The following ZNF214 variants were observed in gnomAD, a reference collection of about 807,000 sequenced individuals.
ZNF214 encodes zinc finger protein 214, also known as BWSCR2-associated zinc finger protein 1.
In ZNF214, 43 loss-of-function variants were observed where a neutral mutation model predicts 53.9. The ratio of observed to expected loss-of-function variants is 0.80; its 90% CI spans 0.63 to 1.03. The LOEUF is 1.03. Ranked by LOEUF, ZNF214 falls within the 50% of genes least tolerant of loss-of-function variation. The pLI is 0.00. For synonymous variants in ZNF214, 217 were observed against 229.5 expected, an observed-to-expected ratio of 0.95 and a Z score of 0.49; for missense variants, 724 against 719.1, an observed-to-expected ratio of 1.01 and a Z score of -0.08.
chr11:7,005,828 T>C (rs945812071), intron 1 of ZNF214, among the ~76,000 whole-genome samples: 4 of 152,092 alleles, frequency 2.6e-5, no homozygotes, highest in Admixed American at 6.6e-5. Context: ...TGCATACATA[T>C]GCTATAATTC....
Position 7,000,668 on chromosome 11 carries a change from G to A in ZNF214, c.1015C>T (p.Leu339Phe), listed in dbSNP as rs766402897. The change falls in exon 3 of 3, where the codon CTC becomes TTC. Residue 339 changes from leucine (L) to phenylalanine (F), a missense_variant. Coordinates refer to ENST00000278314, the MANE Select transcript of ZNF214 (RefSeq NM_013249.4). ...KFYKIECDKDLSRNSLLHIHQ... is the reference protein window; with the variant it reads ...KFYKIECDKDFSRNSLLHIHQ... ...ATGTGAAGTAATGAATTTCTACTGA[G>A]GTCTTTATCACACTCAATTTTATAG... The A allele has an allele frequency of 6.3e-7, 1 of 1,599,944 alleles. No individual in the cohort carries two copies. The highest frequency in any genetic ancestry group is 1.7e-5 in the Admixed American group (1 of 57,418).
At chr11:7,015,877 T>A (rs182554495) in intron 1 of ZNF214, 1 of 152,210 alleles carries the variant, frequency 6.6e-6, no homozygotes, top group East Asian at 1.9e-4. Flanking sequence ...TGGCTTGACA[T>A]ACAAGTAGAG....
Position 7,000,827 on chromosome 11 carries a change from G to A in ZNF214, c.856C>T (p.Gln286Ter). 6.2e-7 allele frequency: 1 copy of A among 1,611,926 alleles called. No homozygotes were observed. The highest frequency in any genetic ancestry group is 8.5e-7 in the Non-Finnish European group (1 of 1,179,244). Reference sequence around the variant, plus strand: ...TGATGAAAGTGAACTCCGGAGCTCTGATGAAAGTTACCGTCAACTTCATCA... The same window carrying A: ...TGATGAAAGTGAACTCCGGAGCTCTAATGAAAGTTACCGTCAACTTCATCA... ...GCDEVDGNFH[Q>*]SSGVHFHQRV... Residue 286 changes from glutamine to a stop codon, truncating the protein, a stop_gained, in exon 3 of 3, where the codon CAG becomes TAG. Coordinates refer to ENST00000278314, the MANE Select transcript of ZNF214 (RefSeq NM_013249.4). LOFTEE classifies it high-confidence loss of function.
At position 7,018,632 on chromosome 11, in the gene ZNF214, G is replaced by T. The variant is rs556425632; in HGVS notation, c.-21+1441C>A. On this transcript the variant is annotated intron_variant, in intron 1 of 2. Coordinates refer to ENST00000278314, the MANE Select transcript of ZNF214 (RefSeq NM_013249.4). ...TTCTCCTGCTTCAGCCTCCTGAGTA[G>T]CTGGGATTACAGGTGCCTGCCACAA... is the stretch of plus-strand genomic sequence containing the variant. Among the ~76,000 whole-genome samples, 221 of 150,556 alleles carry T rather than the reference G, an allele frequency of 1.5e-3. 2 individuals are homozygous for T. Among genetic ancestry groups the T allele is most frequent in the African/African-American group, 5.3e-3 (217 of 40,988 alleles).
intron 1 of ZNF214, among the ~76,000 whole-genome samples, chr11:7,009,507 T>C (rs1023690357): frequency 1.3e-5 from 2 of 152,174 alleles, no homozygotes; most frequent in East Asian, 1.9e-4. Context: ...ATTCTGGACA[T>C]AGGACTTGGC....
At chr11:7,004,227 C>T (rs1851424109) in intron 1 of ZNF214, among the ~76,000 whole-genome samples, 1 of 151,838 alleles carries the variant, frequency 6.6e-6, no homozygotes, top group South Asian at 2.1e-4. Context: ...AATTAAAAGC[C>T]TACCTTCCCC....
At chr11:7,014,704 C>T (rs7126680) in intron 1 of ZNF214, among the ~76,000 whole-genome samples, 92,568 of 151,268 alleles carry the variant, frequency 0.61, 29,462 homozygotes, top group East Asian at 0.87. Context: ...TGGTGGCTCA[C>T]ACCTATAATC....
In ZNF214 at chr11:7,000,476, T is replaced by C; in HGVS notation, c.1207A>G (p.Ile403Val). The C allele has an allele frequency of 6.2e-7, 1 of 1,613,256 alleles. No homozygotes were observed. Among genetic ancestry groups the C allele is most frequent in the Non-Finnish European group, 8.5e-7 (1 of 1,179,522 alleles). ...TCTCCTGTGTGTACTAACTGATGAA[T>C]TCGAAGATTTGAGCTCTGGCTGAAA... ...KGFSQSSNLR[I>V]HQLVHTGEKS... is the part of the protein sequence containing the mutation. The change falls in exon 3 of 3, where the codon ATT becomes GTT. Residue 403 changes from isoleucine to valine, a missense_variant. By Grantham distance (29) the Ile-to-Val change is conservative. Coordinates refer to ENST00000278314, the MANE Select transcript of ZNF214 (RefSeq NM_013249.4).
rs1464483318 is a variant in ZNF214 at position 7,002,733 on chromosome 11, T to C, written c.103A>G (p.Asn35Asp). 1.2e-6 allele frequency: 2 copies of C among 1,606,474 alleles called. No homozygotes were observed. Among genetic ancestry groups the C allele is most frequent in the East Asian group, 4.5e-5 (2 of 44,310 alleles). Residue 35 changes from asparagine to aspartate, a missense_variant, in exon 2 of 3, where the codon AAC (asparagine) becomes GAC (aspartate). By Grantham distance (23) the Asn-to-Asp change is conservative (BLOSUM62 1). Coordinates refer to ENST00000278314, the MANE Select transcript of ZNF214 (RefSeq NM_013249.4). ...CCTACTGACATGACATTTGTGTAGTTCTCCCACATGACCTCCCTGTAGAGT... is the reference window on the plus strand; with the variant it reads ...CCTACTGACATGACATTTGTGTAGTCCTCCCACATGACCTCCCTGTAGAGT... The part of the protein sequence containing the change: ...KRLYREVMWE[N>D]YTNVMSVENW...
At chr11:7,013,804 A>G (rs1428350453) in intron 1 of ZNF214, among the ~76,000 whole-genome samples, 3 of 152,246 alleles carry the variant, frequency 2.0e-5, no homozygotes, top group South Asian at 4.1e-4. Flanking sequence ...AAAGCATATT[A>G]TATCATGGTA....
intron 1 of ZNF214, among the ~76,000 whole-genome samples, chr11:7,009,841 A>G (rs1455356825): frequency 6.6e-6 from 1 of 152,200 alleles, no homozygotes; most frequent in Admixed American, 6.5e-5. Flanking sequence ...TAATCATCAG[A>G]TAAAGGCAAA....
Position 7,002,741 on chromosome 11 carries a change from A to G in ZNF214, c.95T>C (p.Met32Thr). 2.5e-6 allele frequency: 4 copies of G among 1,607,642 alleles called. No individual in the cohort carries two copies. Among genetic ancestry groups the G allele is most frequent in the East Asian group, 2.3e-5 (1 of 44,386 alleles). Reference protein sequence around the residue: ...SSQKRLYREVMWENYTNVMSV... With the variant: ...SSQKRLYREVTWENYTNVMSV... ...CATGACATTTGTGTAGTTCTCCCAC[A>G]TGACCTCCCTGTAGAGTCTTTTTTG... The change falls in exon 2 of 3, where the codon ATG becomes ACG. Residue 32 changes from methionine (M) to threonine (T), a missense_variant. Coordinates refer to ENST00000278314, the MANE Select transcript of ZNF214 (RefSeq NM_013249.4).
At chr11:7,016,606 A>C (rs1851776254) in intron 1 of ZNF214, among the ~76,000 whole-genome samples, 1 of 152,186 alleles carries the variant, frequency 6.6e-6, no homozygotes, top group South Asian at 2.1e-4. Flanking sequence ...GTAAGAATTG[A>C]GAAGAGGCTC....
chr11:7,002,018 T>G (rs1434980918), intron 2 of ZNF214, among the ~76,000 whole-genome samples: 2 of 152,044 alleles, frequency 1.3e-5, no homozygotes, highest in Non-Finnish European at 2.9e-5. Flanking sequence ...ACCTTTGGTG[T>G]TCTCCTTCCA....
At chr11:7,002,950 C>G in intron 1 of ZNF214, 95 bp from the exon 2 acceptor site, 3 of 1,264,624 alleles carry the variant, frequency 2.4e-6, no homozygotes, top group Non-Finnish European at 3.1e-6. Flanking sequence ...ACAAGAACTT[C>G]AGTAAAGGAG....
intron 1 of ZNF214, among the ~76,000 whole-genome samples, chr11:7,005,988 T>C (rs1851462643): frequency 6.6e-6 from 1 of 152,080 alleles, no homozygotes; most frequent in African/African-American, 2.4e-5. Context: ...GGCAAAGCAA[T>C]CACCAACTAT....
Position 6,999,902 on chromosome 11 carries a change from T to A in ZNF214, c.1781A>T (p.Asn594Ile). The A allele has an allele frequency of 1.9e-6, 3 of 1,611,822 alleles. No homozygotes were observed. Among genetic ancestry groups the A allele is most frequent in the Non-Finnish European group, 1.7e-6 (2 of 1,178,812 alleles). The change falls in exon 3 of 3, where the codon AAT becomes ATT. Residue 594 changes from asparagine to isoleucine, a missense_variant. Coordinates refer to ENST00000278314, the MANE Select transcript of ZNF214 (RefSeq NM_013249.4). The part of the protein sequence containing the change: ...CREYYKGFDH[N>I]SHLHNNHRRG... ...TCTATGATTATTGTGAAGATGTGAA[T>A]TATGATCAAATCCCTTATAATATTC...
rs779445427 is a variant in ZNF214 at position 7,000,709 on chromosome 11, T to C, written c.974A>G (p.His325Arg). ...ISSLHNHQRV[H>R]TEEKFYKIEC... ...AATTTTATAGAATTTCTCTTCTGTG[T>C]GGACTCTTTGATGATTGTGAAGACT... The change falls in exon 3 of 3, where the codon CAC becomes CGC. Residue 325 changes from histidine to arginine, a missense_variant. Coordinates refer to ENST00000278314, the MANE Select transcript of ZNF214 (RefSeq NM_013249.4). The C allele has an allele frequency of 2.5e-6, 4 of 1,608,742 alleles. No individual in the cohort carries two copies. The Admixed American group carries it at 6.7e-5, about 27-fold the overall frequency.
At chr11:7,007,963 T>C (rs914484620) in intron 1 of ZNF214, among the ~76,000 whole-genome samples, 1 of 152,106 alleles carries the variant, frequency 6.6e-6, no homozygotes, top group African/African-American at 2.4e-5. Flanking sequence ...AATAGAATTT[T>C]AAAAGTCCAC....
Sources: gnomAD v4.1 joint callset for allele counts (sites outside exome capture counted in the v4.1 genomes callset) on GRCh38, gnomAD v4.1.1 for gene constraint, MANE v1.5 for transcripts, NCBI Gene and HGNC (gene_info 2026-07-23, HGNC 2026-07-21) for gene names.